CHST9: variants seen among roughly 807,000 people sequenced by gnomAD.
CHST9 encodes the protein carbohydrate sulfotransferase 9.
Under a neutral mutation model 44.4 loss-of-function variants are expected in CHST9, and 41 were observed. The ratio of observed to expected loss-of-function variants is 0.92; its 90% confidence interval spans 0.72 to 1.20. CHST9 has a LOEUF of 1.20. Ranked by LOEUF, CHST9 falls within the 50% of genes most tolerant of loss-of-function variation. The probability of loss-of-function intolerance (pLI) is 0.00; values close to 1 mark genes in which losing one functional copy is unlikely to be tolerated. For missense variants in CHST9, 504 were observed against 516.5 expected, an observed-to-expected ratio of 0.98 and a Z score of 0.23; for synonymous variants, 171 against 178.4, an observed-to-expected ratio of 0.96 and a Z score of 0.33.
At chr18:26,995,330 C>T (rs962575789) in intron 4 of CHST9, among the ~76,000 whole-genome samples, 2 of 149,500 alleles carry the variant, frequency 1.3e-5, no homozygotes, top group Admixed American at 6.7e-5. Flanking sequence ...CTCAGTTACT[C>T]GGGAGGCTGA....
intron 4 of CHST9, among the ~76,000 whole-genome samples, chr18:26,945,512 T>C (rs2056148867): frequency 6.6e-6 from 1 of 152,228 alleles, no homozygotes; most frequent in Non-Finnish European, 1.5e-5. Flanking sequence ...AAATGAATCA[T>C]AAAGCATAGA....
chr18:26,953,281 G>T (rs751086950), intron 4 of CHST9, among the ~76,000 whole-genome samples: 2 of 152,202 alleles, frequency 1.3e-5, no homozygotes, highest in African/African-American at 4.8e-5. Flanking sequence ...TTCAAAAATG[G>T]ATGGAAGTTG....
At chr18:27,111,670 A>G (rs770348219) in intron 2 of CHST9, among the ~76,000 whole-genome samples, 1 of 152,228 alleles carries the variant, frequency 6.6e-6, no homozygotes, top group Admixed American at 6.5e-5. Flanking sequence ...TGACCAGGCC[A>G]TGGGATGCCC....
chr18:27,179,286 A>G (rs2058893324), intron 1 of CHST9, among the ~76,000 whole-genome samples: 1 of 152,086 alleles, frequency 6.6e-6, no homozygotes, highest in Non-Finnish European at 1.5e-5. Context: ...TACCAAGGTG[A>G]CAGCGACAGA....
chr18:27,172,066 T>C (rs2058837530), intron 1 of CHST9, among the ~76,000 whole-genome samples: 1 of 152,178 alleles, frequency 6.6e-6, no homozygotes. Flanking sequence ...CAAGGCACAG[T>C]CTTTTACACG....
At chr18:27,001,464 G>T (rs896288786) in intron 4 of CHST9, among the ~76,000 whole-genome samples, 1 of 152,106 alleles carries the variant, frequency 6.6e-6, no homozygotes, top group Non-Finnish European at 1.5e-5. Flanking sequence ...TGCTTTCCTA[G>T]AAGTGCTTTT....
intron 2 of CHST9, among the ~76,000 whole-genome samples, chr18:27,133,098 G>A (rs1483256503): frequency 6.6e-6 from 1 of 152,160 alleles, no homozygotes; most frequent in Non-Finnish European, 1.5e-5. Context: ...TGCTCATCAT[G>A]TGTGGTACAC....
intron 4 of CHST9, among the ~76,000 whole-genome samples, chr18:26,976,533 C>A (rs955583213): frequency 1.3e-5 from 2 of 152,046 alleles, no homozygotes; most frequent in African/African-American, 4.8e-5. Context: ...TCTAGCTGGG[C>A]CAGACAGGGA....
intron 5 of CHST9, among the ~76,000 whole-genome samples, chr18:26,924,136 G>T (rs1030439789): frequency 1.3e-5 from 2 of 152,176 alleles, no homozygotes; most frequent in Non-Finnish European, 2.9e-5. Flanking sequence ...AGGTGTGCCT[G>T]GGGGCAGAGG....
Position 27,018,366 on chromosome 18 carries a change from C to T in CHST9, c.202+5750G>A, listed in dbSNP as rs143348602. Among the ~76,000 whole-genome samples the T allele has an allele frequency of 3.0e-3, 459 of 152,228 alleles. 1 individual carries two copies. Among genetic ancestry groups the T allele is most frequent in the Middle Eastern group, 6.8e-3 (2 of 294 alleles). On this transcript the variant is annotated intron_variant, in intron 4 of 5. Transcript: ENST00000618847. The stretch of plus-strand genomic sequence containing the variant: ...ACCAGGAAAATATTTAAGAGAATAG[C>T]TAAATTAACTGCAGGGTGCCACTTT...
At chr18:27,013,572 A>T (rs2057110542) in intron 4 of CHST9, among the ~76,000 whole-genome samples, 1 of 152,236 alleles carries the variant, frequency 6.6e-6, no homozygotes, top group African/African-American at 2.4e-5. Flanking sequence ...ATTTAATTCA[A>T]GAAAGGGCTC....
At chr18:27,170,901 T>C (rs1347519653) in intron 1 of CHST9, among the ~76,000 whole-genome samples, 2 of 152,186 alleles carry the variant, frequency 1.3e-5, no homozygotes, top group Non-Finnish European at 2.9e-5. Context: ...GGAACAGTGG[T>C]ACATAAATAG....
chr18:27,058,267 AATAAT>A (rs1272571552), intron 2 of CHST9, among the ~76,000 whole-genome samples: 1 of 152,224 alleles, frequency 6.6e-6, no homozygotes, highest in East Asian at 1.9e-4. Flanking sequence ...GTCACTTTTA[AATAAT>A]ATAATATTCT....
chr18:27,041,422 C>T (rs1422399612), intron 3 of CHST9, among the ~76,000 whole-genome samples: 1 of 152,100 alleles, frequency 6.6e-6, no homozygotes, highest in Non-Finnish European at 1.5e-5. Flanking sequence ...TAAAGTTTCT[C>T]TTTTTCAGTT....
At chr18:26,974,757 T>A (rs1291889540) in intron 4 of CHST9, among the ~76,000 whole-genome samples, 1 of 150,568 alleles carries the variant, frequency 6.6e-6, no homozygotes, top group Non-Finnish European at 1.5e-5. Context: ...CACCGCAACC[T>A]CTGCATCCCA....
chr18:27,040,715 A>T (rs551806855), intron 3 of CHST9, among the ~76,000 whole-genome samples: 1 of 152,172 alleles, frequency 6.6e-6, no homozygotes, highest in Non-Finnish European at 1.5e-5. Context: ...AGTGACATAC[A>T]TTCACTTTAG....
intron 2 of CHST9, among the ~76,000 whole-genome samples, chr18:27,097,760 T>A (rs575673015): frequency 6.6e-6 from 1 of 152,246 alleles, no homozygotes; most frequent in African/African-American, 2.4e-5. Flanking sequence ...AATTTTTGTA[T>A]AAGATGTAAG....
intron 2 of CHST9, among the ~76,000 whole-genome samples, chr18:27,056,896 C>T (rs2057662680): frequency 6.6e-6 from 1 of 152,230 alleles, no homozygotes; most frequent in Non-Finnish European, 1.5e-5. Flanking sequence ...CTCTCATCCT[C>T]ATGTCCTAAC....
intron 2 of CHST9, among the ~76,000 whole-genome samples, chr18:27,138,552 A>G (rs115738143): frequency 4.3e-4 from 65 of 151,452 alleles, no homozygotes; most frequent in African/African-American, 1.6e-3. Flanking sequence ...GCACAATTGA[A>G]TTTTCCTGAA....
Sources: allele counts gnomAD v4.1 joint callset (sites outside exome capture counted in the v4.1 genomes callset), GRCh38; gene constraint gnomAD v4.1.1; transcripts MANE v1.5; gene names NCBI Gene and HGNC (gene_info 2026-07-23, HGNC 2026-07-21).